TRPM3: variants seen among roughly 807,000 people sequenced by gnomAD.
TRPM3 encodes long transient receptor potential channel 3.
TRPM3 carries 77 observed loss-of-function variants against 181.2 expected under a neutral mutation model. The observed-to-expected ratio is 0.42, with a 90% CI of 0.35 to 0.51. TRPM3 has a LOEUF of 0.51. TRPM3 is among the 20% of genes least tolerant of loss of function. TRPM3 has a pLI of 0.01. For missense variants in TRPM3, 1,759 were observed against 2,196.7 expected (o/e 0.80, Z 3.98); for synonymous variants, 745 against 796.4 (o/e 0.94, Z 1.09).
At chr9:70,831,797 T>A (rs2093915657) in intron 5 of TRPM3, among the ~76,000 whole-genome samples, 1 of 151,498 alleles carries the variant, frequency 6.6e-6, no homozygotes. Context: ...ATAGGATGAC[T>A]ATAGTCAATA....
intron 1 of TRPM3, among the ~76,000 whole-genome samples, chr9:71,009,266 A>C (rs182170184): frequency 6.6e-6 from 1 of 152,170 alleles, no homozygotes; most frequent in African/African-American, 2.4e-5. Context: ...ACAGAAAGGA[A>C]GAAGGGCACC....
At chr9:71,014,341 G>T (rs1305449785) in intron 1 of TRPM3, among the ~76,000 whole-genome samples, 2 of 151,748 alleles carry the variant, frequency 1.3e-5, no homozygotes, top group Non-Finnish European at 2.9e-5. Flanking sequence ...GATTATTTTT[G>T]TGAATGTCCT....
intron 7 of TRPM3, among the ~76,000 whole-genome samples, chr9:70,764,601 T>C (rs1292824894): frequency 6.6e-6 from 1 of 152,134 alleles, no homozygotes; most frequent in Non-Finnish European, 1.5e-5. Flanking sequence ...TTGAGCCCAA[T>C]TTCCCAGTTG....
intron 1 of TRPM3, among the ~76,000 whole-genome samples, chr9:71,232,071 A>G (rs2081085825): frequency 6.6e-6 from 1 of 152,222 alleles, no homozygotes; most frequent in Non-Finnish European, 1.5e-5. Flanking sequence ...TTCTAGTTAT[A>G]AACTACCATC....
intron 8 of TRPM3, among the ~76,000 whole-genome samples, chr9:70,759,575 A>T (rs1185046384): frequency 6.6e-6 from 1 of 152,224 alleles, no homozygotes; most frequent in Non-Finnish European, 1.5e-5. Context: ...AAAGACTTGG[A>T]ACCAACCCAA....
chr9:70,806,170 T>C (rs2090627260), intron 6 of TRPM3, among the ~76,000 whole-genome samples: 1 of 152,144 alleles, frequency 6.6e-6, no homozygotes, highest in Non-Finnish European at 1.5e-5. Context: ...GTTTGCCTGC[T>C]GGGCTGCAGC....
Position 70,907,441 on chromosome 9 carries a change from T to C in TRPM3, c.178-42930A>G, listed in dbSNP as rs1244986911. On this transcript the variant is annotated intron_variant, in intron 1 of 25. Transcript: ENST00000677713. Reference sequence around the variant, plus strand: ...AAGTGCTGTGTAGTGTTCCCAAGTATAAAAAGGCTGTGATATGCTTTAGGG... The same window carrying C: ...AAGTGCTGTGTAGTGTTCCCAAGTACAAAAAGGCTGTGATATGCTTTAGGG... Among the ~76,000 whole-genome samples, 10 of 152,318 alleles carry C rather than the reference T, an allele frequency of 6.6e-5. No individual in the cohort carries two copies. The East Asian group carries it at 7.7e-4, about 12-fold the overall frequency.
chr9:71,165,131 A>G (rs11142709), intron 1 of TRPM3, among the ~76,000 whole-genome samples: 60,091 of 151,976 alleles, frequency 0.4, 12,270 homozygotes, highest in East Asian at 0.52. Flanking sequence ...GACTGGGTCC[A>G]AATCTCAGCT....
chr9:70,556,774 A>C (rs758204373), intron 22 of TRPM3, among the ~76,000 whole-genome samples: 19 of 152,260 alleles, frequency 1.2e-4, no homozygotes, highest in South Asian at 8.3e-4. Flanking sequence ...AAATGATCTG[A>C]CTTTAGCTTT....
intron 1 of TRPM3, among the ~76,000 whole-genome samples, chr9:71,034,868 T>C (rs1471966781): frequency 6.6e-6 from 1 of 152,128 alleles, no homozygotes; most frequent in African/African-American, 2.4e-5. Flanking sequence ...TATGTATATA[T>C]GTATACATTC....
At chr9:71,387,063 T>C (rs2092941434) in intron 1 of TRPM3, among the ~76,000 whole-genome samples, 1 of 152,214 alleles carries the variant, frequency 6.6e-6, no homozygotes, top group Non-Finnish European at 1.5e-5. Flanking sequence ...AAGAATAAGT[T>C]AGGTCAAATT....
chr9:70,621,176 G>T (rs545465105), intron 15 of TRPM3, 68 bp downstream of exon 15: 5 of 879,400 alleles, frequency 5.7e-6, no homozygotes, highest in Non-Finnish European at 6.5e-6. Context: ...TACTATATAT[G>T]TAGCATATAT....
chr9:70,929,094 C>T (rs1387356431), intron 1 of TRPM3, among the ~76,000 whole-genome samples: 2 of 152,202 alleles, frequency 1.3e-5, no homozygotes, highest in East Asian at 1.9e-4. Context: ...TTCTAGCCAT[C>T]CTCATAAATG....
intron 1 of TRPM3, among the ~76,000 whole-genome samples, chr9:71,171,824 C>T (rs189055867): frequency 3.1e-3 from 473 of 152,216 alleles, no homozygotes; most frequent in Non-Finnish European, 5.4e-3. Flanking sequence ...GGCAGCTTCA[C>T]ACATCTAAGA....
chr9:71,024,589 T>C (rs2097876279), intron 1 of TRPM3, among the ~76,000 whole-genome samples: 1 of 152,228 alleles, frequency 6.6e-6, no homozygotes, highest in African/African-American at 2.4e-5. Context: ...TGTTTACTCT[T>C]AGCAGTATTA....
chr9:71,098,181 A>G (rs1014413595), intron 1 of TRPM3, among the ~76,000 whole-genome samples: 2 of 152,158 alleles, frequency 1.3e-5, no homozygotes, highest in African/African-American at 4.8e-5. Flanking sequence ...TCTGATATCT[A>G]CTACTGACAC....
chr9:70,901,846 A>T (rs1360426801), intron 1 of TRPM3, among the ~76,000 whole-genome samples: 3 of 152,210 alleles, frequency 2.0e-5, no homozygotes, highest in Non-Finnish European at 2.9e-5. Context: ...ATGACTAATG[A>T]TATGAGAGTG....
intron 1 of TRPM3, among the ~76,000 whole-genome samples, chr9:71,021,321 T>C (rs962001): frequency 0.17 from 25,531 of 152,190 alleles, 2,624 homozygotes; most frequent in Non-Finnish European, 0.22. Context: ...AGATATAATT[T>C]GTGCTTTTTA....
chr9:71,161,261 G>A (rs1014290728), intron 1 of TRPM3, among the ~76,000 whole-genome samples: 1 of 152,050 alleles, frequency 6.6e-6, no homozygotes, highest in African/African-American at 2.4e-5. Context: ...CTCACCTTCT[G>A]TCACATACCA....
Sources: gnomAD v4.1 joint callset for allele counts (sites outside exome capture counted in the v4.1 genomes callset) on GRCh38, gnomAD v4.1.1 for gene constraint, MANE v1.5 for transcripts, NCBI Gene and HGNC (gene_info 2026-07-23, HGNC 2026-07-21) for gene names.